Variants in COBL observed in about 807,000 individuals in gnomAD.
The protein encoded by COBL is protein cordon-bleu.
Under a neutral mutation model 98.8 loss-of-function variants are expected in COBL, and 51 were observed. That is an observed-to-expected ratio of 0.52 (90% confidence interval 0.41 to 0.65). The LOEUF (loss-of-function observed/expected upper bound fraction) is 0.65, where lower values mean the gene tolerates loss of function less well. Among genes scored for constraint, COBL ranks in the 30% least tolerant of loss-of-function variants. The pLI is 0.00. For synonymous variants in COBL, 634 were observed against 651.7 expected (o/e 0.97, Z 0.41); for missense variants, 1,617 against 1,617.5 (o/e 1.00, Z 0.01).
intron 7 of COBL, chr7:51,082,948 G>A: frequency 1.0e-6 from 1 of 961,540 alleles, no homozygotes. Flanking sequence ...AGAAGGAAAG[G>A]CACACACATC....
chr7:51,081,926 C>T (rs1467460375), intron 7 of COBL, among the ~76,000 whole-genome samples: 1 of 151,968 alleles, frequency 6.6e-6, no homozygotes, highest in African/African-American at 2.4e-5. Context: ...AAGCCTAACC[C>T]TTCCTTTTTG....
chr7:51,296,415 G>A (rs1801421283), intron 1 of COBL, among the ~76,000 whole-genome samples: 1 of 152,066 alleles, frequency 6.6e-6, no homozygotes, highest in African/African-American at 2.4e-5. Flanking sequence ...TTGATTAAAT[G>A]AAGGCGTGCA....
intron 12 of COBL, among the ~76,000 whole-genome samples, chr7:51,019,015 C>A (rs1256553889): frequency 7.2e-6 from 1 of 138,758 alleles, no homozygotes; most frequent in African/African-American, 2.7e-5. Flanking sequence ...ATATGTGGTA[C>A]AACACAATTT....
At chr7:51,127,618 C>A (rs1360115968) in intron 6 of COBL, among the ~76,000 whole-genome samples, 4 of 152,128 alleles carry the variant, frequency 2.6e-5, no homozygotes, top group Non-Finnish European at 5.9e-5. Flanking sequence ...AAGACTAAAG[C>A]ATTCACAATA....
intron 6 of COBL, among the ~76,000 whole-genome samples, chr7:51,131,245 T>C (rs918118193): frequency 1.3e-5 from 2 of 152,236 alleles, no homozygotes; most frequent in African/African-American, 4.8e-5. Context: ...AACTTTAAAA[T>C]ATTTTTGAAT....
chr7:51,146,897 G>A (rs1403340852), intron 5 of COBL, among the ~76,000 whole-genome samples: 1 of 152,196 alleles, frequency 6.6e-6, no homozygotes, highest in Non-Finnish European at 1.5e-5. Context: ...TTGGGAAGTT[G>A]GAGAGCAGAT....
intron 6 of COBL, among the ~76,000 whole-genome samples, chr7:51,108,942 ACACACACACACACACCC>A (rs1796579244): frequency 1.9e-5 from 1 of 52,006 alleles, no homozygotes; most frequent in Admixed American, 2.2e-4. Context: ...ACACACACAC[ACACACACACACACACCC>A]CCTGCCCCAT....
intron 12 of COBL, among the ~76,000 whole-genome samples, chr7:51,023,421 C>G (rs1787140944): frequency 6.6e-6 from 1 of 152,216 alleles, no homozygotes; most frequent in South Asian, 2.1e-4. Flanking sequence ...TCAATGATGA[C>G]TGGCTAGCAT....
intron 7 of COBL, among the ~76,000 whole-genome samples, chr7:51,077,020 A>G (rs1158860346): frequency 6.6e-6 from 1 of 152,224 alleles, no homozygotes; most frequent in Non-Finnish European, 1.5e-5. Context: ...TAAATAAACA[A>G]TTCAATGCAC....
intron 6 of COBL, among the ~76,000 whole-genome samples, chr7:51,131,789 T>G (rs1798767583): frequency 6.6e-6 from 1 of 152,168 alleles, no homozygotes; most frequent in South Asian, 2.1e-4. Flanking sequence ...GGATGAGGTT[T>G]CACCATGTTG....
chr7:51,188,390 G>T (rs1234239425), intron 4 of COBL, among the ~76,000 whole-genome samples: 1 of 152,236 alleles, frequency 6.6e-6, no homozygotes, highest in East Asian at 1.9e-4. Context: ...GGTTGTAGGG[G>T]AGAAAGGGAG....
At chr7:51,070,546 C>A (rs556750256) in intron 7 of COBL, among the ~76,000 whole-genome samples, 1 of 152,272 alleles carries the variant, frequency 6.6e-6, no homozygotes, top group East Asian at 1.9e-4. Context: ...AAGGCCCTCA[C>A]TTTCTCTTGT....
At chr7:51,315,243 A>C (rs1584480662) in intron 1 of COBL, among the ~76,000 whole-genome samples, 2 of 147,280 alleles carry the variant, frequency 1.4e-5, no homozygotes, top group African/African-American at 4.9e-5. Flanking sequence ...TTATATAACC[A>C]CCAGTAAGTG....
In COBL at chr7:51,234,613, A is replaced by T. The variant is rs191498193; in HGVS notation, c.42-14669T>A. Among the ~76,000 whole-genome samples, 26 of 150,782 alleles carry T rather than the reference A, an allele frequency of 1.7e-4. No homozygotes were observed. In the East Asian group the frequency reaches 5.2e-3, roughly 30 times the overall value. ...CTATTCTGGTGGCTGAGGTGGAAGA[A>T]TTGCTTGGGCCCAGGAGGTGGAGGC... On this transcript the variant is annotated intron_variant, in intron 1 of 12. Coordinates refer to ENST00000265136, the MANE Select transcript of COBL (RefSeq NM_015198.5).
chr7:51,189,781 G>A (rs961793019), intron 4 of COBL, among the ~76,000 whole-genome samples: 1 of 152,156 alleles, frequency 6.6e-6, no homozygotes, highest in African/African-American at 2.4e-5. Flanking sequence ...AGAGACAACA[G>A]ACATCAAATG....
At chr7:51,168,703 G>GT (rs955335490) in intron 5 of COBL, among the ~76,000 whole-genome samples, 1 of 152,140 alleles carries the variant, frequency 6.6e-6, no homozygotes, top group African/African-American at 2.4e-5. Flanking sequence ...ATGGAGAACT[G>GT]TTTGGTGGTT....
chr7:51,219,591 G>A (rs1407915136), intron 2 of COBL, 150 bp downstream of exon 2: 2 of 766,826 alleles, frequency 2.6e-6, no homozygotes, highest in East Asian at 2.6e-5. Flanking sequence ...CCTGCTCTAA[G>A]TAGTCACTAA....
chr7:51,064,976 G>A (rs1562863688), intron 7 of COBL: 1 of 600,590 alleles, frequency 1.7e-6, no homozygotes, highest in Non-Finnish European at 3.0e-6. Context: ...TTAGCTGGGA[G>A]AAACCAGGGA....
chr7:51,275,993 T>C (rs929345881), intron 1 of COBL, among the ~76,000 whole-genome samples: 7 of 152,186 alleles, frequency 4.6e-5, no homozygotes, highest in African/African-American at 1.7e-4. Context: ...GCCTCATCCT[T>C]TTTCCTACAA....
Sources: allele counts gnomAD v4.1 joint callset (sites outside exome capture counted in the v4.1 genomes callset), GRCh38; gene constraint gnomAD v4.1.1; transcripts MANE v1.5; gene names NCBI Gene and HGNC (gene_info 2026-07-23, HGNC 2026-07-21).